ZEB1: variants seen among roughly 807,000 people sequenced by gnomAD.
ZEB1 encodes zinc finger E-box binding homeobox 1.
ZEB1 carries 21 observed loss-of-function variants against 84.9 expected under a neutral mutation model. The observed-to-expected ratio is 0.25, with a 90% confidence interval of 0.18 to 0.36. The LOEUF is 0.36. Among genes scored for constraint, ZEB1 ranks in the 10% least tolerant of loss-of-function variants. ZEB1 has a pLI of 1.00. For synonymous variants in ZEB1, 420 were observed against 471.1 expected, an observed-to-expected ratio of 0.89 and a Z score of 1.41; for missense variants, 1,104 against 1,330.2, an observed-to-expected ratio of 0.83 and a Z score of 2.65.
At chr10:31,410,104 C>T (rs1046491299) in intron 1 of ZEB1, among the ~76,000 whole-genome samples, 2 of 152,190 alleles carry the variant, frequency 1.3e-5, no homozygotes, top group Non-Finnish European at 2.9e-5. Context: ...AAAGGGAATG[C>T]TTCTAGCTTT....
At chr10:31,338,939 A>G (rs1235335850) in intron 1 of ZEB1, among the ~76,000 whole-genome samples, 1 of 152,202 alleles carries the variant, frequency 6.6e-6, no homozygotes, top group African/African-American at 2.4e-5. Context: ...GGATGTTGAC[A>G]TGATACCTTT....
chr10:31,419,904 G>A (rs2136007522), intron 1 of ZEB1, among the ~76,000 whole-genome samples: 1 of 152,236 alleles, frequency 6.6e-6, no homozygotes, highest in Middle Eastern at 3.4e-3. Context: ...TAGAGCAGGC[G>A]GTATGTTGGC....
intron 1 of ZEB1, among the ~76,000 whole-genome samples, chr10:31,336,949 T>C (rs960128336): frequency 2.6e-5 from 4 of 152,200 alleles, no homozygotes; most frequent in African/African-American, 9.7e-5. Context: ...CATAACACTA[T>C]GACCCAGTAT....
chr10:31,334,535 G>A (rs1365614180), intron 1 of ZEB1, among the ~76,000 whole-genome samples: 1 of 151,548 alleles, frequency 6.6e-6, no homozygotes, highest in Non-Finnish European at 1.5e-5. Flanking sequence ...GCAATTTTAA[G>A]AATTAGAAAA....
chr10:31,469,898 C>G (rs2062971156), intron 2 of ZEB1, among the ~76,000 whole-genome samples: 1 of 152,178 alleles, frequency 6.6e-6, no homozygotes, highest in African/African-American at 2.4e-5. Context: ...CAAGTGGGTC[C>G]CTGACCCCTA....
chr10:31,332,756 C>T (rs2037068754), intron 1 of ZEB1, among the ~76,000 whole-genome samples: 1 of 151,990 alleles, frequency 6.6e-6, no homozygotes, highest in Non-Finnish European at 1.5e-5. Flanking sequence ...ATGTTTCAAC[C>T]TCTTAAGTTT....
At chr10:31,422,344 G>T (rs2056310285) in intron 1 of ZEB1, among the ~76,000 whole-genome samples, 1 of 152,138 alleles carries the variant, frequency 6.6e-6, no homozygotes, top group South Asian at 2.1e-4. Flanking sequence ...TAGTTTTGAT[G>T]TGTGGACCAA....
intron 2 of ZEB1, among the ~76,000 whole-genome samples, chr10:31,494,225 A>C (rs1367083711): frequency 6.6e-6 from 1 of 152,042 alleles, no homozygotes; most frequent in Admixed American, 6.6e-5. Flanking sequence ...AGCAAACACT[A>C]GTGTTTATCC....
chr10:31,519,593 T>C (rs1450358319), intron 6 of ZEB1, among the ~76,000 whole-genome samples: 1 of 152,220 alleles, frequency 6.6e-6, no homozygotes, highest in Non-Finnish European at 1.5e-5. Context: ...GAATATCTTA[T>C]ATAAGTTTTC....
intron 1 of ZEB1, among the ~76,000 whole-genome samples, chr10:31,451,312 T>C (rs1418830312): frequency 6.6e-6 from 1 of 152,214 alleles, no homozygotes; most frequent in Non-Finnish European, 1.5e-5. Context: ...TATTGAACAT[T>C]CGTGCTGCTT....
intron 1 of ZEB1, among the ~76,000 whole-genome samples, chr10:31,457,030 A>G (rs2061318669): frequency 1.3e-5 from 2 of 152,174 alleles, no homozygotes; most frequent in South Asian, 4.1e-4. Context: ...GTTTAAATTC[A>G]TATTATCTAA....
chr10:31,477,538 C>G (rs1228076683), intron 2 of ZEB1, among the ~76,000 whole-genome samples: 2 of 151,924 alleles, frequency 1.3e-5, no homozygotes, highest in African/African-American at 2.4e-5. Context: ...AAAAAAAGAG[C>G]CTGAATAGCC....
At chr10:31,469,904 C>T (rs563888584) in intron 2 of ZEB1, among the ~76,000 whole-genome samples, 3 of 152,160 alleles carry the variant, frequency 2.0e-5, no homozygotes, top group Non-Finnish European at 4.4e-5. Flanking sequence ...GGTCCCTGAC[C>T]CCTAACCCCC....
In ZEB1 at chr10:31,511,006, A is replaced by G. The variant is rs2069885208; in HGVS notation, c.687+131A>G. 3 of 866,112 alleles carry G rather than the reference A, an allele frequency of 3.5e-6. No individual in the cohort carries two copies. In the Admixed American group the frequency reaches 6.3e-5, roughly 18 times the overall value. The allele number at this position is 866,112 out of a possible 1,614,324, so 53.7% of individuals were successfully genotyped here. On this transcript the variant is annotated intron_variant, in intron 5 of 8. Transcript: ENST00000424869. Reference sequence around the variant, plus strand: ...AACAGTGCTATATCTGCAGCCTTATAAAAGTGAAAATGATTATTTATTTGA... The same window carrying G: ...AACAGTGCTATATCTGCAGCCTTATGAAAGTGAAAATGATTATTTATTTGA...
chr10:31,486,059 C>G (rs1226941569), intron 2 of ZEB1, among the ~76,000 whole-genome samples: 2 of 151,096 alleles, frequency 1.3e-5, no homozygotes, highest in Non-Finnish European at 3.0e-5. Flanking sequence ...TTGCGTGTAT[C>G]AATAGTTTGA....
At chr10:31,438,191 T>C (rs1158455796) in intron 1 of ZEB1, among the ~76,000 whole-genome samples, 1 of 152,216 alleles carries the variant, frequency 6.6e-6, no homozygotes, top group Non-Finnish European at 1.5e-5. Flanking sequence ...CCCTCAGCAC[T>C]AGCTGGAAGG....
chr10:31,482,295 A>G (rs145455014), intron 2 of ZEB1, among the ~76,000 whole-genome samples: 5 of 152,088 alleles, frequency 3.3e-5, no homozygotes, highest in Non-Finnish European at 5.9e-5. Context: ...TGAGGGGCAT[A>G]TGACAAAATC....
chr10:31,336,697 A>G (rs981833630), intron 1 of ZEB1, among the ~76,000 whole-genome samples: 1 of 152,144 alleles, frequency 6.6e-6, no homozygotes, highest in South Asian at 2.1e-4. Context: ...CAAAAGAATA[A>G]ACTCGTTTGG....
intron 1 of ZEB1, among the ~76,000 whole-genome samples, chr10:31,379,190 C>A (rs1185116138): frequency 6.6e-6 from 1 of 151,886 alleles, no homozygotes; most frequent in African/African-American, 2.4e-5. Context: ...AGAATGCAGA[C>A]CCAAGTAATA....
Sources: gnomAD v4.1 joint callset for allele counts (sites outside exome capture counted in the v4.1 genomes callset) on GRCh38, gnomAD v4.1.1 for gene constraint, MANE v1.5 for transcripts, NCBI Gene and HGNC (gene_info 2026-07-23, HGNC 2026-07-21) for gene names.